The following HEXB variants were observed in gnomAD, a reference collection of about 807,000 sequenced individuals.
The protein encoded by HEXB is hexosaminidase subunit beta, also known as beta-hexosaminidase subunit beta.
Under a neutral mutation model 71.2 loss-of-function variants are expected in HEXB, and 51 were observed. The ratio of observed to expected loss-of-function variants is 0.72; its 90% confidence interval spans 0.57 to 0.90. HEXB has a LOEUF of 0.90. HEXB is among the 40% of genes least tolerant of loss of function. The pLI, the probability that HEXB is intolerant of heterozygous loss-of-function variation, is 0.00. For missense variants in HEXB, 617 were observed against 677.0 expected, an observed-to-expected ratio of 0.91 and a Z score of 0.98; for synonymous variants, 266 against 249.3, an observed-to-expected ratio of 1.07 and a Z score of -0.63.
chr5:74,716,857 A>G (rs1749683742), intron 9 of HEXB, 184 bp downstream of exon 9: 1 of 489,900 alleles, frequency 2.0e-6, no homozygotes, highest in Non-Finnish European at 3.8e-6. Context: ...GTATTTTCCA[A>G]TAGCTGTTGA....
chr5:74,699,991 T>G (rs1433216257), intron 5 of HEXB, among the ~76,000 whole-genome samples: 1 of 146,706 alleles, frequency 6.8e-6, no homozygotes. Flanking sequence ...TATTATAAAC[T>G]GTAAGTTTCC....
chr5:74,718,337 CAGG>C lies in HEXB; in HGVS notation c.1220_1222del (p.Glu407del), dbSNP rs1749726167. The C allele has an allele frequency of 1.2e-6, 2 of 1,611,800 alleles. No individual in the cohort carries two copies. The highest frequency in any genetic ancestry group is 1.7e-6 in the Non-Finnish European group (2 of 1,178,000). The stretch of plus-strand genomic sequence containing the variant: ...CATAAACAAGGGATCCATTGTCTGG[CAGG>C]AGGTTTTTGATGATAAAGCAAAGGT... On this transcript the variant is annotated inframe_deletion, in exon 10 of 14. Transcript: ENST00000261416.
chr5:74,644,702 G>A (rs1375300363), intron 1 of HEXB, among the ~76,000 whole-genome samples: 1 of 140,266 alleles, frequency 7.1e-6, no homozygotes, highest in African/African-American at 2.6e-5. Flanking sequence ...GTTAAAAAAA[G>A]TTATGTTTAT....
intron 1 of HEXB, among the ~76,000 whole-genome samples, chr5:74,686,838 G>C (rs1438050366): frequency 6.6e-6 from 1 of 152,206 alleles, no homozygotes; most frequent in Non-Finnish European, 1.5e-5. Flanking sequence ...ATCATGACTA[G>C]GGTTGGAAAT....
intron 1 of HEXB, among the ~76,000 whole-genome samples, chr5:74,668,378 T>A (rs1310110664): frequency 2.0e-5 from 3 of 152,116 alleles, no homozygotes; most frequent in Non-Finnish European, 4.4e-5. Flanking sequence ...CAGTGCAGAT[T>A]CAGGCTGCAA....
intron 5 of HEXB, among the ~76,000 whole-genome samples, chr5:74,700,482 A>G (rs973040020): frequency 5.9e-5 from 9 of 151,798 alleles, no homozygotes; most frequent in Non-Finnish European, 1.3e-4. Context: ...TTTAAAAAAA[A>G]TTTGTGTAGA....
chr5:74,720,567 C>G (rs1749806409), intron 12 of HEXB, 49 bp downstream of exon 12: 1 of 1,591,304 alleles, frequency 6.3e-7, no homozygotes, highest in African/African-American at 1.3e-5. Flanking sequence ...CCTTAGCTTT[C>G]CTTCTCTGTC....
intron 6 of HEXB, among the ~76,000 whole-genome samples, chr5:74,707,188 G>C (rs1358049299): frequency 3.3e-5 from 5 of 152,326 alleles, no homozygotes; most frequent in South Asian, 4.1e-4. Flanking sequence ...ACAGGGTCTG[G>C]AGTGGACCTC....
intron 1 of HEXB, among the ~76,000 whole-genome samples, chr5:74,650,007 C>A (rs759514402): frequency 3.9e-4 from 60 of 152,324 alleles, no homozygotes; most frequent in Non-Finnish European, 7.1e-4. Flanking sequence ...CTCTGGGTAT[C>A]CTCCTGGAAG....
intron 1 of HEXB, among the ~76,000 whole-genome samples, chr5:74,678,683 A>G (rs1436880421): frequency 4.6e-5 from 7 of 152,180 alleles, no homozygotes; most frequent in African/African-American, 9.6e-5. Context: ...AAATCCCAAA[A>G]CCATAAAAGG....
At chr5:74,658,816 T>C (rs1041657238) in intron 1 of HEXB, among the ~76,000 whole-genome samples, 3 of 152,194 alleles carry the variant, frequency 2.0e-5, no homozygotes, top group Non-Finnish European at 4.4e-5. Flanking sequence ...GCATAATAGC[T>C]TTTGGTGGGT....
At chr5:74,704,231 T>G (rs1749326909) in intron 5 of HEXB, among the ~76,000 whole-genome samples, 1 of 152,196 alleles carries the variant, frequency 6.6e-6, no homozygotes, top group South Asian at 2.1e-4. Context: ...AACCCTCCTT[T>G]TATCCTCAAT....
chr5:74,684,240 C>T (rs820869), upstream of HEXB, among the ~76,000 whole-genome samples: 81,297 of 152,130 alleles, frequency 0.53, 22,139 homozygotes, highest in Non-Finnish European at 0.57. Flanking sequence ...TAAGAGAACA[C>T]CTCTTCTCCC....
chr5:74,721,063 A>ATGAATGATATCAATC (rs1579957978), intron 13 of HEXB, 55 bp from the exon 14 acceptor site: 5 of 1,308,980 alleles, frequency 3.8e-6, no homozygotes, highest in South Asian at 3.6e-5. Flanking sequence ...AAATATCTTT[A>ATGAATGATATCAATC]TGAATGATAT....
intron 1 of HEXB, among the ~76,000 whole-genome samples, chr5:74,678,074 A>G (rs556208185): frequency 6.6e-6 from 1 of 152,278 alleles, no homozygotes; most frequent in Admixed American, 6.5e-5. Flanking sequence ...AGGAGGGTGG[A>G]TCACCTGAGG....
At chr5:74,667,727 C>T (rs539277018) in intron 1 of HEXB, among the ~76,000 whole-genome samples, 27 of 152,260 alleles carry the variant, frequency 1.8e-4, no homozygotes, top group African/African-American at 6.0e-4. Context: ...CAGATTTCAA[C>T]TTGCATTTCG....
At chr5:74,715,030 T>C (rs1372717225) in intron 7 of HEXB, among the ~76,000 whole-genome samples, 1 of 152,178 alleles carries the variant, frequency 6.6e-6, no homozygotes, top group Non-Finnish European at 1.5e-5. Context: ...GAAATATCCA[T>C]AGAATTTGGC....
chr5:74,677,487 CTTCTTTTTTTT>C (rs1748653862), intron 1 of HEXB, among the ~76,000 whole-genome samples: 1 of 129,968 alleles, frequency 7.7e-6, no homozygotes, highest in Admixed American at 7.8e-5. Flanking sequence ...TTTTCTTCTT[CTTCTTTTTTTT>C]TTTTTTTTTT....
intron 13 of HEXB, 82 bp downstream of exon 13, chr5:74,720,829 T>G (rs917916258): frequency 9.1e-7 from 1 of 1,104,888 alleles, no homozygotes; most frequent in Non-Finnish European, 1.4e-6. Context: ...GAAATGTATG[T>G]TACCTAACAA....
Sources: gnomAD v4.1 joint callset for allele counts (sites outside exome capture counted in the v4.1 genomes callset) on GRCh38, gnomAD v4.1.1 for gene constraint, MANE v1.5 for transcripts, NCBI Gene and HGNC (gene_info 2026-07-23, HGNC 2026-07-21) for gene names.